The following NRIP1 variants were observed in gnomAD, a reference collection of about 807,000 sequenced individuals.
NRIP1 encodes the protein nuclear receptor-interacting protein 1.
NRIP1 carries 28 observed loss-of-function variants against 75.0 expected under a neutral mutation model. The observed-to-expected ratio is 0.37, with a 90% confidence interval of 0.28 to 0.51. The LOEUF (loss-of-function observed/expected upper bound fraction) is 0.51, where lower values mean the gene tolerates loss of function less well. Among genes scored for constraint, NRIP1 ranks in the 20% least tolerant of loss-of-function variants. The pLI, the probability that NRIP1 is intolerant of heterozygous loss-of-function variation, is 0.92. For synonymous variants in NRIP1, 526 were observed against 487.6 expected, an observed-to-expected ratio of 1.08 and a Z score of -1.04; for missense variants, 1,435 against 1,343.7, an observed-to-expected ratio of 1.07 and a Z score of -1.06.
intron 3 of NRIP1, among the ~76,000 whole-genome samples, chr21:14,996,765 T>C (rs897619610): frequency 3.9e-5 from 6 of 152,170 alleles, no homozygotes; most frequent in Non-Finnish European, 8.8e-5. Flanking sequence ...TTACTCTTAG[T>C]TGCTCCCTGG....
chr21:15,027,677 A>G (rs2088553532), intron 2 of NRIP1, among the ~76,000 whole-genome samples: 1 of 152,216 alleles, frequency 6.6e-6, no homozygotes, highest in Non-Finnish European at 1.5e-5. Context: ...GAACTGTCTG[A>G]TGAAAGATGA....
At chr21:15,060,040 TTTTGTAATTCTTCA>T (rs1360231302) in intron 1 of NRIP1, among the ~76,000 whole-genome samples, 2 of 152,188 alleles carry the variant, frequency 1.3e-5, no homozygotes, top group African/African-American at 4.8e-5. Context: ...ATACCACAAC[TTTTGTAATTCTTCA>T]TTTGTAATAT....
At chr21:15,050,776 G>A in intron 1 of NRIP1, 1 of 456,076 alleles carries the variant, frequency 2.2e-6, no homozygotes, top group South Asian at 1.5e-5. Context: ...AACGCTTAGA[G>A]AAGGCAAAGG....
chr21:14,996,160 T>G (rs2087718672), intron 3 of NRIP1, among the ~76,000 whole-genome samples: 1 of 152,222 alleles, frequency 6.6e-6, no homozygotes, highest in Non-Finnish European at 1.5e-5. Context: ...TACCATGGTA[T>G]CAATATGAAA....
intron 3 of NRIP1, among the ~76,000 whole-genome samples, chr21:14,989,780 C>CATGGAATATACATGAACACATA: frequency 1.3e-5 from 2 of 152,004 alleles, no homozygotes; most frequent in South Asian, 2.1e-4. Flanking sequence ...CATATATAGT[C>CATGGAATATACATGAACACATA]TATGTGTGTG....
chr21:14,966,911 T>C lies in NRIP1; in HGVS notation c.1282A>G (p.Ser428Gly). Residue 428 changes from serine (S) to glycine (G), a missense_variant, in exon 4 of 4, where the codon AGC becomes GGC. By Grantham distance (56) the Ser-to-Gly change is moderately conservative. Coordinates refer to ENST00000318948, the MANE Select transcript of NRIP1 (RefSeq NM_003489.4). ...SDNNPSFTDD[S>G]SGDESSYSNC... is the part of the protein sequence containing the mutation. ...GAATAAGAACTTTCATCACCACTGCTGTCATCTGTAAAACTAGGATTGTTA... is the reference window on the plus strand; with the variant it reads ...GAATAAGAACTTTCATCACCACTGCCGTCATCTGTAAAACTAGGATTGTTA... The C allele has an allele frequency of 6.2e-7, 1 of 1,614,148 alleles. No individual in the cohort carries two copies. Among genetic ancestry groups the C allele is most frequent in the Non-Finnish European group, 8.5e-7 (1 of 1,180,002 alleles).
At chr21:14,972,461 T>C (rs1331834958) in intron 3 of NRIP1, among the ~76,000 whole-genome samples, 2 of 152,186 alleles carry the variant, frequency 1.3e-5, no homozygotes, top group African/African-American at 4.8e-5. Context: ...AAAATGTTAT[T>C]TTAAGTTATT....
chr21:15,003,562 C>A (rs970295678), intron 3 of NRIP1, among the ~76,000 whole-genome samples: 2 of 152,114 alleles, frequency 1.3e-5, no homozygotes, highest in Non-Finnish European at 2.9e-5. Context: ...CTCTAAATGA[C>A]CTAAAGCTTC....
chr21:14,967,400 G>C lies in NRIP1; in HGVS notation c.793C>G (p.Gln265Glu). The change falls in exon 4 of 4, where the codon CAG (glutamine) becomes GAG (glutamate). Residue 265 changes from glutamine (Q) to glutamate (E), a missense_variant. By Grantham distance (29) the Gln-to-Glu change is conservative (BLOSUM62 2). Transcript: ENST00000318948. ...TSPKPSVACSQLALLLSSEAH... is the reference protein window; with the variant it reads ...TSPKPSVACSELALLLSSEAH... Reference sequence around the variant, plus strand: ...TCGCTTGACAGAAGTAATGCTAACTGGCTACAAGCAACACTAGGTTTAGGT... The same window carrying C: ...TCGCTTGACAGAAGTAATGCTAACTCGCTACAAGCAACACTAGGTTTAGGT... The C allele has an allele frequency of 6.2e-7, 1 of 1,614,052 alleles. No individual in the cohort carries two copies.
chr21:15,055,170 G>A (rs1479475179), intron 1 of NRIP1, among the ~76,000 whole-genome samples: 1 of 152,132 alleles, frequency 6.6e-6, no homozygotes, highest in East Asian at 1.9e-4. Context: ...AGAGAATAGA[G>A]GAATGGGGTC....
chr21:15,036,712 T>C (rs1291060657), intron 2 of NRIP1, among the ~76,000 whole-genome samples: 1 of 152,134 alleles, frequency 6.6e-6, no homozygotes, highest in Non-Finnish European at 1.5e-5. Context: ...TTCAGTCCCA[T>C]TTAGAATCTC....
rs1027440653 is a variant in NRIP1 at position 14,965,558 on chromosome 21, C to T, written c.2635G>A (p.Asp879Asn). The T allele has an allele frequency of 6.2e-7, 1 of 1,614,024 alleles. No homozygotes were observed. The highest frequency in any genetic ancestry group is 8.5e-7 in the Non-Finnish European group (1 of 1,179,928). ...PFKKMKNNIV[D>N]AANNHSAPEV... ...GGGGCACTGTGATTGTTTGCAGCAT[C>T]AACAATGTTGTTTTTCATCTTTTTA... The change falls in exon 4 of 4, where the codon GAT becomes AAT. Residue 879 changes from aspartate to asparagine, a missense_variant. Asp to Asn is a conservative substitution (Grantham distance 23). Coordinates refer to ENST00000318948, the MANE Select transcript of NRIP1 (RefSeq NM_003489.4).
At chr21:14,978,401 C>T (rs1029180410) in intron 3 of NRIP1, among the ~76,000 whole-genome samples, 2 of 152,124 alleles carry the variant, frequency 1.3e-5, no homozygotes, top group Non-Finnish European at 2.9e-5. Context: ...TTTGAAATAG[C>T]CACACACTCA....
At chr21:15,060,746 A>G (rs1396963839) in intron 1 of NRIP1, among the ~76,000 whole-genome samples, 1 of 152,154 alleles carries the variant, frequency 6.6e-6, no homozygotes, top group African/African-American at 2.4e-5. Context: ...ACCACTATTT[A>G]TATAATATTG....
chr21:14,975,409 T>C (rs913557629), intron 3 of NRIP1, among the ~76,000 whole-genome samples: 2 of 152,064 alleles, frequency 1.3e-5, no homozygotes, highest in Non-Finnish European at 2.9e-5. Context: ...ATGTTTTATT[T>C]TTATTTTTTT....
At chr21:14,971,653 A>G (rs2086905620) in intron 3 of NRIP1, 1 of 152,136 alleles carries the variant, frequency 6.6e-6, no homozygotes. Context: ...ACATTTTCAC[A>G]TGACTCTTAT....
chr21:14,992,596 C>T (rs1008700461), intron 3 of NRIP1: 6 of 151,898 alleles, frequency 4.0e-5, no homozygotes, highest in Non-Finnish European at 8.8e-5. Flanking sequence ...AACTGATTTA[C>T]CAAGTAAGAT....
At chr21:15,021,538 T>A (rs1276495782) in intron 2 of NRIP1, among the ~76,000 whole-genome samples, 1 of 152,020 alleles carries the variant, frequency 6.6e-6, no homozygotes, top group Non-Finnish European at 1.5e-5. Flanking sequence ...ACACTTGCAG[T>A]GGATGAATTG....
intron 2 of NRIP1, among the ~76,000 whole-genome samples, chr21:15,033,086 A>C (rs1045578358): frequency 3.3e-5 from 5 of 152,114 alleles, no homozygotes; most frequent in African/African-American, 1.2e-4. Flanking sequence ...TTAGCTGGGC[A>C]TGGTGGTGGG....
Sources: allele counts gnomAD v4.1 joint callset (sites outside exome capture counted in the v4.1 genomes callset), GRCh38; gene constraint gnomAD v4.1.1; transcripts MANE v1.5; gene names NCBI Gene and HGNC (gene_info 2026-07-23, HGNC 2026-07-21).